The following NEK1 variants were observed in gnomAD, a reference collection of about 807,000 sequenced individuals.
NEK1 encodes NIMA related kinase 1.
NEK1 carries 137 observed loss-of-function variants against 182.1 expected under a neutral mutation model. The ratio of observed to expected loss-of-function variants is 0.75; its 90% CI spans 0.65 to 0.87. The LOEUF is 0.87. Among genes scored for constraint, NEK1 ranks in the 40% least tolerant of loss-of-function variants. The pLI, the probability that NEK1 is intolerant of heterozygous loss-of-function variation, is 0.00. For missense variants in NEK1, 1,391 were observed against 1,494.4 expected (o/e 0.93, Z 1.14); for synonymous variants, 513 against 492.2 (o/e 1.04, Z -0.56).
intron 29 of NEK1, among the ~76,000 whole-genome samples, chr4:169,432,403 T>A (rs904640381): frequency 3.9e-5 from 6 of 152,314 alleles, no homozygotes; most frequent in Admixed American, 3.3e-4. Context: ...TATATACACA[T>A]ACGAAAGTCA....
At chr4:169,608,897 T>C (rs1489138516) in intron 2 of NEK1, among the ~76,000 whole-genome samples, 1 of 151,710 alleles carries the variant, frequency 6.6e-6, no homozygotes, top group Non-Finnish European at 1.5e-5. Context: ...CTGTCTCTAC[T>C]AAGAATACAA....
chr4:169,612,516 A>G lies in NEK1; in HGVS notation c.-467T>C, dbSNP rs941153570. On this transcript the variant is annotated 5_prime_UTR_variant, in exon 1 of 36. Transcript: ENST00000507142. ...CTCTAGATTCCGAGTTATGGGGACA[A>G]CTGCTCGAGAGGCCAGGGTAGGGTA... 6.6e-6 allele frequency: 1 copy of G among 152,196 alleles called. No individual in the cohort carries two copies. Among genetic ancestry groups the G allele is most frequent in the Non-Finnish European group, 1.5e-5 (1 of 68,174 alleles). The allele number at this position is 152,196 out of a possible 1,614,324, so 9.4% of individuals were successfully genotyped here. A position where few individuals can be genotyped will look rare whatever the true frequency, so the allele number is the denominator to read the frequency against.
Position 169,507,149 on chromosome 4 carries a change from T to C in NEK1, c.1912-17A>G. ...TGCATGGGCCTAAAAATAAAAACAATTAACAAAATGAGTTACCAGAAAGAA... is the reference window on the plus strand; with the variant it reads ...TGCATGGGCCTAAAAATAAAAACAACTAACAAAATGAGTTACCAGAAAGAA... On this transcript the variant is annotated splice_polypyrimidine_tract_variant and intron_variant, in intron 22 of 35. Transcript: ENST00000507142. The C allele has an allele frequency of 6.6e-7, 1 of 1,510,782 alleles. No individual in the cohort carries two copies. Among genetic ancestry groups the C allele is most frequent in the Non-Finnish European group, 9.0e-7 (1 of 1,113,620 alleles). The allele number at this position is 1,510,782 out of a possible 1,614,324, so 93.6% of individuals were successfully genotyped here. A position where few individuals can be genotyped will look rare whatever the true frequency, so the allele number is the denominator to read the frequency against.
chr4:169,535,449 C>T (rs961050506), intron 19 of NEK1, among the ~76,000 whole-genome samples: 2 of 150,606 alleles, frequency 1.3e-5, no homozygotes, highest in African/African-American at 4.9e-5. Context: ...CAAAATGAAA[C>T]ACACAGAGAA....
chr4:169,568,346 T>C (rs1325722831), intron 12 of NEK1, among the ~76,000 whole-genome samples: 2 of 152,186 alleles, frequency 1.3e-5, no homozygotes, highest in East Asian at 1.9e-4. Flanking sequence ...TAAATAAGCA[T>C]CTTAAAAATG....
intron 26 of NEK1, among the ~76,000 whole-genome samples, chr4:169,465,653 C>T (rs187163217): frequency 1.0e-3 from 159 of 152,170 alleles, no homozygotes; most frequent in African/African-American, 3.7e-3. Context: ...AGTTCCTATT[C>T]CCATCAGCCA....
At chr4:169,572,265 T>C (rs1160986545) in intron 12 of NEK1, among the ~76,000 whole-genome samples, 3 of 152,030 alleles carry the variant, frequency 2.0e-5, no homozygotes. Context: ...TAATGAGAAG[T>C]AGTCAGACCG....
At chr4:169,475,193 C>A (rs922088203) in intron 26 of NEK1, among the ~76,000 whole-genome samples, 1 of 152,062 alleles carries the variant, frequency 6.6e-6, no homozygotes, top group Non-Finnish European at 1.5e-5. Context: ...CAGAGACCTG[C>A]AGATGGTAGC....
chr4:169,430,827 C>T (rs1477834531), intron 29 of NEK1, among the ~76,000 whole-genome samples: 1 of 150,774 alleles, frequency 6.6e-6, no homozygotes, highest in Non-Finnish European at 1.5e-5. Flanking sequence ...AAAAATATCA[C>T]TTGTCAGGAA....
chr4:169,545,194 C>T (rs1760197566), intron 18 of NEK1, among the ~76,000 whole-genome samples: 1 of 107,008 alleles, frequency 9.3e-6, no homozygotes. Context: ...CCAATGCTAT[C>T]CCTCCCCCCT....
chr4:169,527,837 A>G (rs2149778322), intron 19 of NEK1, among the ~76,000 whole-genome samples: 1 of 152,294 alleles, frequency 6.6e-6, no homozygotes, highest in Admixed American at 6.5e-5. Context: ...AAACGTCTTT[A>G]AGTATAATAA....
At chr4:169,563,145 A>C (rs1763176602) in intron 12 of NEK1, among the ~76,000 whole-genome samples, 1 of 152,066 alleles carries the variant, frequency 6.6e-6, no homozygotes, top group African/African-American at 2.4e-5. Flanking sequence ...GGACTGCTTG[A>C]GCCTAGGAGT....
chr4:169,582,986 C>T (rs767413917), intron 10 of NEK1, among the ~76,000 whole-genome samples: 2 of 152,094 alleles, frequency 1.3e-5, no homozygotes, highest in African/African-American at 2.4e-5. Context: ...TGCCACAGTG[C>T]CCAAGACTGA....
chr4:169,461,945 T>G (rs193088143), intron 27 of NEK1, among the ~76,000 whole-genome samples: 1 of 152,250 alleles, frequency 6.6e-6, no homozygotes, highest in African/African-American at 2.4e-5. Flanking sequence ...AAATCATAAG[T>G]TATTTCTCAG....
intron 5 of NEK1, among the ~76,000 whole-genome samples, chr4:169,594,992 C>G (rs192736187): frequency 2.8e-3 from 427 of 152,188 alleles, no homozygotes; most frequent in Middle Eastern, 0.01. Context: ...GCCTTTCAGT[C>G]TCATTATCAA....
At chr4:169,427,784 C>T (rs1009203703) in intron 29 of NEK1, among the ~76,000 whole-genome samples, 11 of 152,014 alleles carry the variant, frequency 7.2e-5, no homozygotes, top group African/African-American at 1.2e-4. Flanking sequence ...GCATAAGCCA[C>T]CATGTCCAGC....
chr4:169,547,884 A>C (rs1011610392), intron 18 of NEK1, among the ~76,000 whole-genome samples: 1 of 152,064 alleles, frequency 6.6e-6, no homozygotes, highest in South Asian at 2.1e-4. Context: ...CCTTTTCTCA[A>C]GGTTCTTAGC....
At chr4:169,597,138 T>C (rs779343110) in intron 5 of NEK1, among the ~76,000 whole-genome samples, 27 of 152,302 alleles carry the variant, frequency 1.8e-4, no homozygotes, top group African/African-American at 6.3e-4. Flanking sequence ...GCACAAACAA[T>C]GAAATATATC....
At chr4:169,608,758 TA>T (rs1451233259) in intron 2 of NEK1, among the ~76,000 whole-genome samples, 1 of 152,144 alleles carries the variant, frequency 6.6e-6, no homozygotes, top group Admixed American at 6.6e-5. Flanking sequence ...CAATCTCCTG[TA>T]AAACGATATA....
Sources: allele counts gnomAD v4.1 joint callset (sites outside exome capture counted in the v4.1 genomes callset), GRCh38; gene constraint gnomAD v4.1.1; transcripts MANE v1.5; gene names NCBI Gene and HGNC (gene_info 2026-07-23, HGNC 2026-07-21).